Variants in CACNA1C observed in about 807,000 individuals in gnomAD.
CACNA1C encodes voltage-dependent L-type calcium channel subunit alpha-1C.
A neutral mutation model predicts 229.0 loss-of-function variants in CACNA1C; 30 were observed. The ratio of observed to expected loss-of-function variants is 0.13; its 90% confidence interval spans 0.10 to 0.18. The LOEUF is 0.18. Among genes scored for constraint, CACNA1C ranks in the 10% least tolerant of loss-of-function variants. The pLI, the probability that CACNA1C is intolerant of heterozygous loss-of-function variation, is 1.00. For synonymous variants in CACNA1C, 1,114 were observed against 1,132.5 expected, an observed-to-expected ratio of 0.98 and a Z score of 0.33; for missense variants, 1,658 against 2,845.0, an observed-to-expected ratio of 0.58 and a Z score of 9.49.
chr12:2,053,503 G>C lies in CACNA1C; in HGVS notation c.-60G>C, dbSNP rs1373039551. 2 of 1,543,274 alleles carry C rather than the reference G, an allele frequency of 1.3e-6. No homozygotes were observed. The highest frequency in any genetic ancestry group is 2.7e-5 in the African/African-American group (2 of 72,818). ...AGGGATTAATCCAGACCCGCCGGGG[G>C]GTGTTTTCACATTTCTTCCTCTTCG... On this transcript the variant is annotated 5_prime_UTR_variant, in exon 1 of 47. Transcript: ENST00000399655. The surrounding 1 kb of genome is among the most constrained non-coding windows in gnomAD (Gnocchi z 5.8).
At chr12:2,419,951 C>T (rs1005632652) in intron 3 of CACNA1C, among the ~76,000 whole-genome samples, 7 of 152,124 alleles carry the variant, frequency 4.6e-5, no homozygotes, top group African/African-American at 9.7e-5. Context: ...TCTCTGTACC[C>T]GCCACCAGTC....
chr12:2,558,870 A>G lies in CACNA1C; in HGVS notation c.1508+1893A>G, dbSNP rs1600053420. On this transcript the variant is annotated intron_variant, in intron 11 of 46. Transcript: ENST00000399655. ...CTTGTTTCTCTCAAACCAAGACCTC[A>G]TCTACATAAAACATCTAGGGTCAGG... Among the ~76,000 whole-genome samples the G allele has an allele frequency of 2.0e-5, 3 of 152,052 alleles. No individual in the cohort carries two copies. The East Asian group carries it at 5.8e-4, about 29-fold the overall frequency.
chr12:2,658,120 G>A (rs550457861), intron 34 of CACNA1C, among the ~76,000 whole-genome samples: 1 of 151,968 alleles, frequency 6.6e-6, no homozygotes, highest in Non-Finnish European at 1.5e-5. Flanking sequence ...TGAACTTATC[G>A]AGTTATACTC....
intron 3 of CACNA1C, among the ~76,000 whole-genome samples, chr12:2,238,078 CTT>C (rs543025014): frequency 2.6e-3 from 397 of 152,304 alleles, no homozygotes; most frequent in South Asian, 7.9e-3. Flanking sequence ...GGCAGAGACT[CTT>C]TGTTCTAGCC....
chr12:2,327,930 T>C (rs2096392097), intron 3 of CACNA1C, among the ~76,000 whole-genome samples: 1 of 152,192 alleles, frequency 6.6e-6, no homozygotes, highest in Non-Finnish European at 1.5e-5. Flanking sequence ...CTCACCTTAC[T>C]TCCTCCTTCA....
At chr12:2,101,387 C>A (rs1484806297) in intron 1 of CACNA1C, among the ~76,000 whole-genome samples, 11 of 152,200 alleles carry the variant, frequency 7.2e-5, no homozygotes, top group Admixed American at 7.2e-4. Flanking sequence ...GTGGAGCAGA[C>A]CACGCTTCCC....
chr12:2,274,406 C>T (rs1159509105), intron 3 of CACNA1C, among the ~76,000 whole-genome samples: 1 of 152,166 alleles, frequency 6.6e-6, no homozygotes, highest in African/African-American at 2.4e-5. Flanking sequence ...CCTTTTGCCC[C>T]ATGGAGAGAC....
chr12:2,559,226 T>C (rs975545628), intron 11 of CACNA1C, among the ~76,000 whole-genome samples: 32 of 152,342 alleles, frequency 2.1e-4, no homozygotes, highest in African/African-American at 7.2e-4. Flanking sequence ...TTGAAAATAT[T>C]TCCAAAATAT....
intron 1 of CACNA1C, among the ~76,000 whole-genome samples, chr12:1,996,651 AAAAACAACAAACTC>A (rs2040951243): frequency 2.5e-5 from 1 of 40,538 alleles, no homozygotes; most frequent in South Asian, 5.8e-4. Flanking sequence ...AAAAAAAAAA[AAAAACAACAAACTC>A]TTCTAATGTT....
chr12:2,104,738 T>C (rs1229993961), intron 1 of CACNA1C, among the ~76,000 whole-genome samples: 5 of 152,192 alleles, frequency 3.3e-5, no homozygotes, highest in Admixed American at 3.3e-4. Flanking sequence ...TTTCAATAAA[T>C]GTGAATTAAT....
intron 45 of CACNA1C, among the ~76,000 whole-genome samples, chr12:2,687,538 CTTTT>C (rs35920419): frequency 1.4e-5 from 2 of 138,200 alleles, no homozygotes; most frequent in African/African-American, 2.7e-5. Context: ...TACCGTGTGA[CTTTT>C]TTTTTTTTTT....
intron 1 of CACNA1C, among the ~76,000 whole-genome samples, chr12:2,005,513 T>C (rs1565901110): frequency 6.6e-6 from 1 of 152,238 alleles, no homozygotes; most frequent in South Asian, 2.1e-4. Flanking sequence ...CAAGGGACAA[T>C]TACTGCTGCC....
intron 3 of CACNA1C, among the ~76,000 whole-genome samples, chr12:2,329,930 C>T (rs2096487277): frequency 6.6e-6 from 1 of 152,220 alleles, no homozygotes; most frequent in Admixed American, 6.5e-5. Context: ...GTTGCTGGAA[C>T]AGTTGAGCCC....
At chr12:2,622,633 C>A (rs1273985192) in intron 29 of CACNA1C, among the ~76,000 whole-genome samples, 2 of 152,224 alleles carry the variant, frequency 1.3e-5, no homozygotes, top group Non-Finnish European at 2.9e-5. Flanking sequence ...ACCTTCTGCA[C>A]TTCTCTTTGG....
intron 3 of CACNA1C, among the ~76,000 whole-genome samples, chr12:2,412,176 A>G (rs899027292): frequency 6.6e-6 from 1 of 151,650 alleles, no homozygotes; most frequent in African/African-American, 2.4e-5. Flanking sequence ...TCCTTCCCTC[A>G]CCACAGCCCC....
At chr12:2,256,088 C>CACG (rs1439717910) in intron 3 of CACNA1C, among the ~76,000 whole-genome samples, 3 of 152,196 alleles carry the variant, frequency 2.0e-5, no homozygotes, top group East Asian at 1.9e-4. Flanking sequence ...TTTACAATCA[C>CACG]ACCTCCTGTT....
chr12:2,299,511 G>A (rs1406851665), intron 3 of CACNA1C, among the ~76,000 whole-genome samples: 1 of 152,060 alleles, frequency 6.6e-6, no homozygotes, highest in Non-Finnish European at 1.5e-5. Context: ...GGACAGAGGG[G>A]TTCCTGTGGG....
chr12:2,468,432 C>T (rs139987519), intron 5 of CACNA1C, among the ~76,000 whole-genome samples: 100 of 152,346 alleles, frequency 6.6e-4, no homozygotes, highest in Admixed American at 1.5e-3. Flanking sequence ...GCTGATGAAT[C>T]GGCCCAGTGG....
chr12:2,050,310 A>G (rs1594375842), upstream of CACNA1C, among the ~76,000 whole-genome samples: 2 of 152,322 alleles, frequency 1.3e-5, no homozygotes, highest in East Asian at 3.9e-4. Context: ...GACCCTGGAC[A>G]TTGTAATTCA....
Sources: allele counts gnomAD v4.1 joint callset (sites outside exome capture counted in the v4.1 genomes callset), GRCh38; gene constraint gnomAD v4.1.1; non-coding constraint Gnocchi (gnomAD v3.1); transcripts MANE v1.5; gene names NCBI Gene and HGNC (gene_info 2026-07-23, HGNC 2026-07-21).